SLC12A5: variants seen among roughly 807,000 people sequenced by gnomAD.
The protein encoded by SLC12A5 is K-Cl cotransporter 2.
Under a neutral mutation model 124.0 loss-of-function variants are expected in SLC12A5, and 18 were observed. The ratio of observed to expected loss-of-function variants is 0.15; its 90% CI spans 0.10 to 0.22. The LOEUF is 0.22. Ranked by LOEUF, SLC12A5 falls within the 10% of genes least tolerant of loss-of-function variation. SLC12A5 has a pLI of 1.00. For synonymous variants in SLC12A5, 589 were observed against 568.0 expected (o/e 1.04, Z -0.53); for missense variants, 867 against 1,478.7 (o/e 0.59, Z 6.78).
intron 7 of SLC12A5, chr20:46,040,960 C>T (rs1037222157): frequency 4.9e-6 from 2 of 407,318 alleles, no homozygotes; most frequent in Admixed American, 4.1e-5. Flanking sequence ...GGACAATCTC[C>T]TAGTGTTGGA....
At chr20:46,032,343 G>A (rs911629073) in intron 1 of SLC12A5, among the ~76,000 whole-genome samples, 5 of 152,226 alleles carry the variant, frequency 3.3e-5, no homozygotes, top group African/African-American at 9.6e-5. Context: ...GAGGGGAGGG[G>A]TTCTCCTGTC....
downstream of SLC12A5, chr20:46,023,635 T>G (rs952015764): frequency 5.1e-5 from 20 of 394,916 alleles, no homozygotes; most frequent in African/African-American, 4.1e-4. Flanking sequence ...ACATTCATTC[T>G]CCCACCTCCA....
intron 7 of SLC12A5, chr20:46,040,947 A>G (rs937730295): frequency 2.4e-6 from 1 of 412,930 alleles, no homozygotes; most frequent in Non-Finnish European, 4.4e-6. Flanking sequence ...ACCTCCTGGA[A>G]TGGGACAATC....
In SLC12A5 at chr20:46,041,676, T is replaced by C. The variant is rs2084549186; in HGVS notation, c.1066+136T>C. ...ATTGAGCACCTACTCTGAGTTACAT[T>C]CTGTCCTTGGCATCAGGGAGGAGTA... On this transcript the variant is annotated intron_variant, in intron 8 of 25. Coordinates refer to ENST00000243964, the MANE Select transcript of SLC12A5 (RefSeq NM_020708.5). The C allele has an allele frequency of 6.9e-6, 6 of 875,520 alleles. No homozygotes were observed. The South Asian group carries it at 9.9e-5, about 14-fold the overall frequency. The allele number at this position is 875,520 out of a possible 1,614,324, so 54.2% of individuals were successfully genotyped here. A position where few individuals can be genotyped will look rare whatever the true frequency, so the allele number is the denominator to read the frequency against.
chr20:46,021,812 C>A, upstream of SLC12A5: 1 of 1,534,584 alleles, frequency 6.5e-7, no homozygotes. Context: ...GCAGGGCCCG[C>A]CAGAAGCCCT....
rs116878061 is a variant in SLC12A5, at chr20:46,057,452, G to T, written c.3260-62G>T. The stretch of plus-strand genomic sequence containing the variant: ...GCGCGAGAGGTCCCCTGGCAGCCGA[G>T]CGCGACCCCAATTTCGTCGGGAGGG... On this transcript the variant is annotated intron_variant, in intron 25 of 25. Coordinates refer to ENST00000243964, the MANE Select transcript of SLC12A5 (RefSeq NM_020708.5). This position sits in a 1 kb window ranked among gnomAD's most constrained non-coding sequence, Gnocchi z 7.1. 0.012 allele frequency: 19,814 copies of T among 1,605,770 alleles called. 226 individuals carry two copies. The highest frequency in any genetic ancestry group is 0.052 in the East Asian group (2,343 of 44,786).
chr20:46,053,852 T>A lies in SLC12A5; in HGVS notation c.2679+143T>A, dbSNP rs528390206. On this transcript the variant is annotated intron_variant, in intron 20 of 25. Coordinates refer to ENST00000243964, the MANE Select transcript of SLC12A5 (RefSeq NM_020708.5). This position sits in a 1 kb window ranked among gnomAD's most constrained non-coding sequence, Gnocchi z 4.7. ...ATCCATCTCTTAGCCTCTCACATATTCAGCCATCCCTCCCTTCTCTATAAA... is the reference window on the plus strand; with the variant it reads ...ATCCATCTCTTAGCCTCTCACATATACAGCCATCCCTCCCTTCTCTATAAA... 4.7e-3 allele frequency: 4,541 copies of A among 962,802 alleles called. 42 individuals are homozygous for A. Among genetic ancestry groups the A allele is most frequent in the South Asian group, 0.023 (1,233 of 54,348 alleles). The allele number at this position is 962,802 out of a possible 1,614,324, so 59.6% of individuals were successfully genotyped here.
rs1399355787 is a variant in SLC12A5 at position 46,057,677 on chromosome 20, C to T, written c.*72C>T. The T allele has an allele frequency of 6.1e-5, 72 of 1,181,404 alleles. No individual in the cohort carries two copies. The highest frequency in any genetic ancestry group is 6.4e-5 in the Non-Finnish European group (54 of 838,000). 73.2% of individuals were successfully genotyped at this position (1,181,404 alleles called of 1,614,324 possible). A position where few individuals can be genotyped will look rare whatever the true frequency, so the allele number is the denominator to read the frequency against. On this transcript the variant is annotated 3_prime_UTR_variant, in exon 26 of 26. Transcript: ENST00000243964. This position sits in a 1 kb window ranked among gnomAD's most constrained non-coding sequence, Gnocchi z 7.1. ...CCGGAGCCCTCGCCGCGCCCCCCGC[C>T]GCTGTCACCGTTTACATACAGACCC...
At chr20:46,046,170 G>T (rs958717681) in intron 13 of SLC12A5, among the ~76,000 whole-genome samples, 168 bp from the exon 14 acceptor site, 1 of 152,114 alleles carries the variant, frequency 6.6e-6, no homozygotes, top group African/African-American at 2.4e-5. Context: ...GTGTTATTAG[G>T]GTGTGTTGTG....
upstream of SLC12A5, among the ~76,000 whole-genome samples, chr20:46,025,804 C>T (rs1316124321): frequency 2.0e-5 from 3 of 151,962 alleles, no homozygotes; most frequent in Admixed American, 6.5e-5. Flanking sequence ...ATGGGGCATG[C>T]GGGTGGGGAA....
chr20:46,035,804 G>A lies in SLC12A5; in HGVS notation c.307G>A (p.Val103Met). The A allele has an allele frequency of 6.2e-7, 1 of 1,614,022 alleles. No homozygotes were observed. The highest frequency in any genetic ancestry group is 8.5e-7 in the Non-Finnish European group (1 of 1,179,938). ...CCCACGCATGGGCACCTTCATGGGC[G>A]TGTACCTGCCGTGCCTGCAGAACAT... ...QAPRMGTFMG[V>M]YLPCLQNIFG... The change falls in exon 4 of 26, where the codon GTG becomes ATG. Residue 103 changes from valine (V) to methionine (M), a missense_variant. By Grantham distance (21) the Val-to-Met change is conservative (BLOSUM62 1). Coordinates refer to ENST00000243964, the MANE Select transcript of SLC12A5 (RefSeq NM_020708.5).
In SLC12A5 at chr20:46,057,369, G is replaced by A; in HGVS notation, c.3259+66G>A. 2 of 1,611,448 alleles carry A rather than the reference G, an allele frequency of 1.2e-6. No homozygotes were observed. The highest frequency in any genetic ancestry group is 3.3e-5 in the Admixed American group (2 of 59,982). On this transcript the variant is annotated intron_variant, in intron 25 of 25. Transcript: ENST00000243964. The surrounding 1 kb of genome is among the most constrained non-coding windows in gnomAD (Gnocchi z 7.1). ...GTCAGGGAATCTGGGTCCTGTCCCTGGGATGGAAGAGCTGAGCTGTTCCTG... is the reference window on the plus strand; with the variant it reads ...GTCAGGGAATCTGGGTCCTGTCCCTAGGATGGAAGAGCTGAGCTGTTCCTG...
At chr20:46,035,181 A>C in intron 2 of SLC12A5, 139 bp downstream of exon 2, 4 of 1,017,762 alleles carry the variant, frequency 3.9e-6, no homozygotes, top group Non-Finnish European at 6.0e-6. Context: ...GAGCCTCCCC[A>C]TCCCTCCTTC....
At position 46,056,280 on chromosome 20, in the gene SLC12A5, G is replaced by T; in HGVS notation, c.2910+8G>T. Reference sequence around the variant, plus strand: ...GAGAAGCCAGAGGAGGAGGTGTGCAGCTTGGGTGGTTTGGCCCCAACCAGT... The same window carrying T: ...GAGAAGCCAGAGGAGGAGGTGTGCATCTTGGGTGGTTTGGCCCCAACCAGT... On this transcript the variant is annotated splice_region_variant and intron_variant, in intron 22 of 25. Transcript: ENST00000243964. The surrounding 1 kb of genome is among the most constrained non-coding windows in gnomAD (Gnocchi z 4.3). The T allele has an allele frequency of 6.2e-7, 1 of 1,614,114 alleles. No homozygotes were observed. The highest frequency in any genetic ancestry group is 8.5e-7 in the Non-Finnish European group (1 of 1,179,960).
intron 11 of SLC12A5, 43 bp downstream of exon 11, chr20:46,043,976 T>G: frequency 7.0e-7 from 1 of 1,420,152 alleles, no homozygotes; most frequent in Non-Finnish European, 9.7e-7. Flanking sequence ...GAGGGGTGGG[T>G]ATAGAAGGCT....
chr20:46,021,928 A>G (rs1235899092), intron 1 of SLC12A5: 1 of 1,469,170 alleles, frequency 6.8e-7, no homozygotes, highest in Non-Finnish European at 9.0e-7. Context: ...GCCGGGCGGG[A>G]CGAGGGGGAG....
chr20:46,056,064 C>T lies in SLC12A5; in HGVS notation c.2788-86C>T. 1 of 1,562,084 alleles carries T rather than the reference C, an allele frequency of 6.4e-7. No individual in the cohort carries two copies. On this transcript the variant is annotated intron_variant, in intron 21 of 25. Transcript: ENST00000243964. The surrounding 1 kb of genome is among the most constrained non-coding windows in gnomAD (Gnocchi z 4.3). ...TACAGTTCCAGAAAGTGCATCCTGG[C>T]TGAACATCATCTCTGGTGATAGCTC...
chr20:46,023,571 C>T (rs554770633), exon 3 of SLC12A5: 102 of 398,036 alleles, frequency 2.6e-4, no homozygotes, highest in African/African-American at 1.9e-3. Context: ...AAATAAAGGC[C>T]AAAGCCTTAA....
intron 1 of SLC12A5, among the ~76,000 whole-genome samples, chr20:46,031,533 C>G (rs1466510873): frequency 1.3e-5 from 2 of 152,196 alleles, no homozygotes; most frequent in African/African-American, 4.8e-5. Flanking sequence ...TTGCTGACCT[C>G]GGGCAGGTGG....
Sources: gnomAD v4.1 joint callset for allele counts (sites outside exome capture counted in the v4.1 genomes callset) on GRCh38, gnomAD v4.1.1 for gene constraint, Gnocchi (gnomAD v3.1) non-coding constraint, MANE v1.5 for transcripts, NCBI Gene and HGNC (gene_info 2026-07-23, HGNC 2026-07-21) for gene names.